The following MTREX variants were observed in gnomAD, a reference collection of about 807,000 sequenced individuals.
The protein encoded by MTREX is exosome RNA helicase MTR4.
Under a neutral mutation model 135.4 loss-of-function variants are expected in MTREX, and 76 were observed. The observed-to-expected ratio is 0.56, with a 90% CI of 0.47 to 0.68. MTREX has a LOEUF of 0.68. MTREX is among the 30% of genes least tolerant of loss of function. The pLI, the probability that MTREX is intolerant of heterozygous loss-of-function variation, is 0.00. For synonymous variants in MTREX, 404 were observed against 401.6 expected, an observed-to-expected ratio of 1.01 and a Z score of -0.07; for missense variants, 920 against 1,262.1, an observed-to-expected ratio of 0.73 and a Z score of 4.11.
chr5:55,409,769 A>G (rs1750858329), intron 22 of MTREX, among the ~76,000 whole-genome samples: 1 of 152,256 alleles, frequency 6.6e-6, no homozygotes, highest in Admixed American at 6.5e-5. Flanking sequence ...CCTACCTGTT[A>G]GAGATGTACT....
intron 15 of MTREX, among the ~76,000 whole-genome samples, chr5:55,362,252 G>A (rs1325781287): frequency 6.6e-6 from 1 of 151,378 alleles, no homozygotes; most frequent in African/African-American, 2.4e-5. Flanking sequence ...ATTTTTAAAG[G>A]AGCAATAGAG....
chr5:55,411,654 G>T (rs934411447), intron 23 of MTREX, among the ~76,000 whole-genome samples: 2 of 152,094 alleles, frequency 1.3e-5, no homozygotes, highest in African/African-American at 4.8e-5. Flanking sequence ...TAGTGGCAAT[G>T]ATAACAAATA....
Position 55,424,830 on chromosome 5 carries a change from A to C in MTREX, c.*58A>C. The C allele has an allele frequency of 1.6e-6, 2 of 1,219,850 alleles. No homozygotes were observed. Among genetic ancestry groups the C allele is most frequent in the African/African-American group, 1.5e-5 (1 of 67,192 alleles). 75.6% of individuals were successfully genotyped at this position (1,219,850 alleles called of 1,614,324 possible). A position where few individuals can be genotyped will look rare whatever the true frequency, so the allele number is the denominator to read the frequency against. On this transcript the variant is annotated 3_prime_UTR_variant, in exon 27 of 27. Transcript: ENST00000230640. Reference sequence around the variant, plus strand: ...TTGACCACCTGTTTGATTACAGTTGACTACAAATGCCTGCAAGTGTGGATT... The same window carrying C: ...TTGACCACCTGTTTGATTACAGTTGCCTACAAATGCCTGCAAGTGTGGATT...
Position 55,308,211 on chromosome 5 carries a change from C to T in MTREX, c.134+64C>T, listed in dbSNP as rs943144491. On this transcript the variant is annotated intron_variant, in intron 1 of 26. Coordinates refer to ENST00000230640, the MANE Select transcript of MTREX (RefSeq NM_015360.5). The stretch of plus-strand genomic sequence containing the variant: ...CTCGGTGGGGAGGAAGAAAACACTA[C>T]TCTCTTAGGAAGAGCACGAGAAAGT... The T allele has an allele frequency of 5.3e-6, 8 of 1,513,088 alleles. No homozygotes were observed. In the African/African-American group the frequency reaches 5.7e-5, roughly 11 times the overall value. 93.7% of individuals were successfully genotyped at this position (1,513,088 alleles called of 1,614,324 possible).
At chr5:55,315,652 T>C (rs1749186234) in intron 1 of MTREX, among the ~76,000 whole-genome samples, 1 of 152,204 alleles carries the variant, frequency 6.6e-6, no homozygotes, top group Non-Finnish European at 1.5e-5. Flanking sequence ...GAACTATTTC[T>C]GAGTATATGT....
chr5:55,388,158 T>C, intron 19 of MTREX, 56 bp downstream of exon 19: 1 of 1,480,346 alleles, frequency 6.8e-7, no homozygotes, highest in Non-Finnish European at 9.2e-7. Context: ...TTATTTGTCA[T>C]CACCAAAGTT....
At chr5:55,333,160 AG>A (rs1749503190) in intron 5 of MTREX, among the ~76,000 whole-genome samples, 1 of 152,146 alleles carries the variant, frequency 6.6e-6, no homozygotes, top group Admixed American at 6.5e-5. Flanking sequence ...TGTAAGTCTC[AG>A]TTTTTCTCTT....
chr5:55,370,714 A>G (rs577604775), intron 16 of MTREX, among the ~76,000 whole-genome samples: 1 of 152,326 alleles, frequency 6.6e-6, no homozygotes, highest in East Asian at 1.9e-4. Context: ...CTGAGTGTTA[A>G]TGATCAAACA....
intron 21 of MTREX, among the ~76,000 whole-genome samples, chr5:55,400,970 G>A (rs906011634): frequency 5.9e-5 from 9 of 152,202 alleles, no homozygotes; most frequent in African/African-American, 9.7e-5. Flanking sequence ...GTTTATGCCT[G>A]TCATAGCATA....
chr5:55,411,302 A>C (rs904242168), intron 23 of MTREX, among the ~76,000 whole-genome samples: 3 of 152,236 alleles, frequency 2.0e-5, no homozygotes, highest in African/African-American at 7.2e-5. Context: ...TATTTATTGT[A>C]GATGAAGTGG....
At chr5:55,318,429 T>G (rs1445615290) in intron 1 of MTREX, among the ~76,000 whole-genome samples, 18 of 152,138 alleles carry the variant, frequency 1.2e-4, no homozygotes, top group Admixed American at 1.2e-3. Context: ...CCATGAAATA[T>G]TATGCAGCCG....
chr5:55,384,540 C>T (rs551524214), intron 18 of MTREX, among the ~76,000 whole-genome samples: 3 of 152,286 alleles, frequency 2.0e-5, no homozygotes, highest in Admixed American at 1.3e-4. Context: ...CTACATTTTT[C>T]CCTGTTCTAT....
intron 23 of MTREX, among the ~76,000 whole-genome samples, chr5:55,411,953 T>C (rs1750890316): frequency 6.6e-6 from 1 of 152,176 alleles, no homozygotes; most frequent in Non-Finnish European, 1.5e-5. Flanking sequence ...GTTCTTGTTG[T>C]TTTATATTTT....
At chr5:55,334,263 C>T (rs999683499) in intron 5 of MTREX, among the ~76,000 whole-genome samples, 1 of 151,958 alleles carries the variant, frequency 6.6e-6, no homozygotes, top group African/African-American at 2.4e-5. Context: ...GGTTGCCTAA[C>T]GTTATGAATG....
chr5:55,392,652 G>A (rs1026926663), intron 19 of MTREX, among the ~76,000 whole-genome samples: 12 of 151,678 alleles, frequency 7.9e-5, no homozygotes, highest in African/African-American at 2.2e-4. Context: ...TACCTTAGCC[G>A]CTTCCTGGAT....
In MTREX at chr5:55,400,435, T is replaced by C. The variant is rs1750706890; in HGVS notation, c.2481+14T>C. 1 of 1,548,968 alleles carries C rather than the reference T, an allele frequency of 6.5e-7. No homozygotes were observed. ...AAAAAAGCACAGGTATGGCAGAAAT[T>C]TGGTTTTTATAGTAGAATTCTATAT... On this transcript the variant is annotated intron_variant, in intron 21 of 26. Coordinates refer to ENST00000230640, the MANE Select transcript of MTREX (RefSeq NM_015360.5).
intron 1 of MTREX, among the ~76,000 whole-genome samples, chr5:55,314,412 G>T (rs577362264): frequency 6.6e-6 from 1 of 152,332 alleles, no homozygotes; most frequent in East Asian, 1.9e-4. Context: ...GGATCATCCA[G>T]TTGGGACCGA....
At chr5:55,385,709 T>C (rs1378631430) in intron 18 of MTREX, among the ~76,000 whole-genome samples, 1 of 152,210 alleles carries the variant, frequency 6.6e-6, no homozygotes, top group African/African-American at 2.4e-5. Context: ...CATAATTTTC[T>C]TCAGTTGCTG....
At chr5:55,339,831 A>G (rs181280605) in intron 5 of MTREX, among the ~76,000 whole-genome samples, 179 bp from the exon 6 acceptor site, 56 of 152,288 alleles carry the variant, frequency 3.7e-4, no homozygotes, top group Admixed American at 3.5e-3. Context: ...ATGATTTTAG[A>G]TCACTCTATT....
Sources: allele counts gnomAD v4.1 joint callset (sites outside exome capture counted in the v4.1 genomes callset), GRCh38; gene constraint gnomAD v4.1.1; transcripts MANE v1.5; gene names NCBI Gene and HGNC (gene_info 2026-07-23, HGNC 2026-07-21).